SPAG16: variants seen among roughly 807,000 people sequenced by gnomAD.
SPAG16 encodes the protein sperm-associated antigen 16 protein.
In SPAG16, 86 loss-of-function variants were observed where a neutral mutation model predicts 80.4. The observed-to-expected ratio is 1.07, with a 90% CI of 0.90 to 1.28. The LOEUF (loss-of-function observed/expected upper bound fraction) is 1.28. SPAG16 is among the 50% of genes most tolerant of loss of function. The pLI is 0.00. For missense variants in SPAG16, 870 were observed against 765.3 expected (o/e 1.14, Z -1.61); for synonymous variants, 294 against 265.9 (o/e 1.11, Z -1.03).
At chr2:213,873,380 A>T (rs2076024110) in intron 11 of SPAG16, among the ~76,000 whole-genome samples, 1 of 151,834 alleles carries the variant, frequency 6.6e-6, no homozygotes, top group Non-Finnish European at 1.5e-5. Context: ...GATTTTAATA[A>T]TTTGAGTCCT....
intron 12 of SPAG16, among the ~76,000 whole-genome samples, chr2:213,976,702 G>C (rs1044164511): frequency 1.3e-5 from 2 of 152,048 alleles, no homozygotes; most frequent in Admixed American, 1.3e-4. Context: ...GGCTTGAAGA[G>C]AGGACTCTAG....
At chr2:213,960,673 T>C (rs887934687) in intron 12 of SPAG16, among the ~76,000 whole-genome samples, 1 of 152,224 alleles carries the variant, frequency 6.6e-6, no homozygotes, top group Non-Finnish European at 1.5e-5. Context: ...TCAATTGACA[T>C]GTGTGGTCAC....
chr2:214,171,587 C>T (rs866353480), intron 15 of SPAG16, among the ~76,000 whole-genome samples: 1 of 151,804 alleles, frequency 6.6e-6, no homozygotes, highest in Admixed American at 6.6e-5. Flanking sequence ...AGTTTAAATT[C>T]GAACATATTT....
chr2:214,092,061 G>A (rs1041527741), intron 13 of SPAG16, among the ~76,000 whole-genome samples: 3 of 151,974 alleles, frequency 2.0e-5, no homozygotes, highest in Non-Finnish European at 4.4e-5. Flanking sequence ...TCAATCAATA[G>A]GATTCTATTT....
In SPAG16 at chr2:214,163,603, C is replaced by CAT. The variant is rs201722067; in HGVS notation, c.1720+14347_1720+14348dup. Among the ~76,000 whole-genome samples, 215 of 141,016 alleles carry CAT rather than the reference C, an allele frequency of 1.5e-3. 2 individuals are homozygous for CAT. Among genetic ancestry groups the CAT allele is most frequent in the African/African-American group, 4.9e-3 (192 of 39,562 alleles). The allele number at this position is 141,016 out of a possible 152,430, so 92.5% of individuals were successfully genotyped here. On this transcript the variant is annotated intron_variant, in intron 15 of 15. Transcript: ENST00000331683. ...ATATATATATACACACACATATATA[C>CAT]ATATATATATACACACATATATACA...
At chr2:213,942,355 C>T (rs1305742029) in intron 12 of SPAG16, among the ~76,000 whole-genome samples, 1 of 152,182 alleles carries the variant, frequency 6.6e-6, no homozygotes, top group Non-Finnish European at 1.5e-5. Context: ...TATTTCACAC[C>T]TTCCTCCTCC....
At chr2:214,287,334 C>T (rs918685614) in intron 15 of SPAG16, among the ~76,000 whole-genome samples, 3 of 151,984 alleles carry the variant, frequency 2.0e-5, no homozygotes, top group African/African-American at 7.3e-5. Flanking sequence ...CTTCTGTATC[C>T]CATTATAGAA....
intron 10 of SPAG16, among the ~76,000 whole-genome samples, chr2:213,806,066 C>A (rs1373839680): frequency 6.6e-6 from 1 of 152,084 alleles, no homozygotes; most frequent in Non-Finnish European, 1.5e-5. Flanking sequence ...AACTTGATTG[C>A]TGATATAAAA....
At chr2:213,977,359 G>T (rs1472406016) in intron 12 of SPAG16, among the ~76,000 whole-genome samples, 2 of 151,920 alleles carry the variant, frequency 1.3e-5, no homozygotes, top group Non-Finnish European at 1.5e-5. Context: ...CTTAAATACA[G>T]TTCCTTGGAT....
chr2:213,402,598 C>T (rs1428213993), intron 9 of SPAG16, among the ~76,000 whole-genome samples: 1 of 150,736 alleles, frequency 6.6e-6, no homozygotes, highest in Non-Finnish European at 1.5e-5. Flanking sequence ...CACAACAGTC[C>T]CTGGAGTGTG....
intron 12 of SPAG16, among the ~76,000 whole-genome samples, chr2:213,983,916 C>A (rs2106427014): frequency 6.6e-6 from 1 of 152,044 alleles, no homozygotes; most frequent in East Asian, 1.9e-4. Context: ...AACCCGCATG[C>A]AAGTCATTAT....
chr2:213,903,393 C>T (rs1482267895), intron 11 of SPAG16, among the ~76,000 whole-genome samples: 1 of 152,212 alleles, frequency 6.6e-6, no homozygotes, highest in Admixed American at 6.5e-5. Flanking sequence ...TTTCCCTTCA[C>T]TCACAGCTCA....
chr2:213,787,861 A>C (rs2070440821), intron 10 of SPAG16, among the ~76,000 whole-genome samples: 1 of 152,088 alleles, frequency 6.6e-6, no homozygotes, highest in African/African-American at 2.4e-5. Flanking sequence ...TACAACTTCT[A>C]GGAATTAAAA....
chr2:213,930,504 C>G (rs1479840835), intron 12 of SPAG16, among the ~76,000 whole-genome samples: 2 of 152,084 alleles, frequency 1.3e-5, no homozygotes, highest in Non-Finnish European at 2.9e-5. Context: ...TTGCTCTGTA[C>G]TATTAAATGT....
At chr2:214,219,995 T>A (rs1295776806) in intron 15 of SPAG16, among the ~76,000 whole-genome samples, 1 of 152,100 alleles carries the variant, frequency 6.6e-6, no homozygotes, top group Non-Finnish European at 1.5e-5. Flanking sequence ...ACATTTTGAT[T>A]ATTTTTTTAT....
chr2:213,977,646 G>GT (rs1189561901), intron 12 of SPAG16, among the ~76,000 whole-genome samples: 1 of 152,014 alleles, frequency 6.6e-6, no homozygotes, highest in Admixed American at 6.6e-5. Context: ...AAGATTCTGG[G>GT]TTTTTGGTTT....
At chr2:213,286,015 T>C (rs1037158983) in intron 1 of SPAG16, 71 of 821,692 alleles carry the variant, frequency 8.6e-5, no homozygotes, top group Admixed American at 3.4e-4. Flanking sequence ...AGGTAACTTT[T>C]TGCAAACATC....
chr2:213,822,099 A>G (rs945166818), intron 10 of SPAG16, among the ~76,000 whole-genome samples: 10 of 151,984 alleles, frequency 6.6e-5, no homozygotes, highest in South Asian at 2.1e-4. Flanking sequence ...TGGTAGTTCT[A>G]TCTTTAGCTT....
chr2:214,276,150 G>T, intron 15 of SPAG16, among the ~76,000 whole-genome samples: 1 of 152,146 alleles, frequency 6.6e-6, no homozygotes, highest in East Asian at 1.9e-4. Context: ...TTGCTTGGTA[G>T]ATCTTCCTCC....
Sources: gnomAD v4.1 joint callset for allele counts (sites outside exome capture counted in the v4.1 genomes callset) on GRCh38, gnomAD v4.1.1 for gene constraint, MANE v1.5 for transcripts, NCBI Gene and HGNC (gene_info 2026-07-23, HGNC 2026-07-21) for gene names.